Variants in MIPOL1 observed in about 807,000 individuals in gnomAD.
MIPOL1 encodes mirror-image polydactyly 1.
In MIPOL1, 57 loss-of-function variants were observed where a neutral mutation model predicts 60.9. That is an observed-to-expected ratio of 0.94 (90% CI 0.76 to 1.17). The LOEUF (loss-of-function observed/expected upper bound fraction) is 1.17, where lower values mean the gene tolerates loss of function less well. Ranked by LOEUF, MIPOL1 falls within the 50% of genes most tolerant of loss-of-function variation. The pLI, the probability that MIPOL1 is intolerant of heterozygous loss-of-function variation, is 0.00. For missense variants in MIPOL1, 551 were observed against 511.6 expected (o/e 1.08, Z -0.74); for synonymous variants, 179 against 168.8 (o/e 1.06, Z -0.47).
chr14:37,546,729 T>TA (rs1555372725), intron 12 of MIPOL1, among the ~76,000 whole-genome samples, 176 bp from the exon 13 acceptor site: 1 of 152,124 alleles, frequency 6.6e-6, no homozygotes, highest in Non-Finnish European at 1.5e-5. Context: ...CTGGGTTTTT[T>TA]AACCTCAAAT....
Position 37,308,373 on chromosome 14 carries a change from A to G in MIPOL1, c.682A>G (p.Ile228Val). ...DMTLQELLNR[I>V]NNADTGIAIQ... ...GACATTACAGGAATTACTGAACAGA[A>G]TAAACAATGCAGACACAGGGATAGC... Residue 228 changes from isoleucine (I) to valine (V), a missense_variant, in exon 9 of 13, where the codon ATA (isoleucine) becomes GTA (valine). Ile to Val is a conservative substitution (Grantham distance 29, BLOSUM62 3). Coordinates refer to ENST00000684589, the MANE Select transcript of MIPOL1 (RefSeq NM_001388067.1). The G allele has an allele frequency of 6.3e-7, 1 of 1,581,996 alleles. No homozygotes were observed.
chr14:37,536,963 T>C (rs552108452), intron 12 of MIPOL1, among the ~76,000 whole-genome samples: 7 of 152,302 alleles, frequency 4.6e-5, no homozygotes, highest in Middle Eastern at 6.8e-3. Context: ...GGTCAAAAAC[T>C]AGACTGATAA....
intron 12 of MIPOL1, among the ~76,000 whole-genome samples, chr14:37,546,512 T>C (rs572632453): frequency 6.6e-6 from 1 of 152,344 alleles, no homozygotes; most frequent in East Asian, 1.9e-4. Context: ...GAAACATTGC[T>C]GATATTTGTG....
At chr14:37,384,168 CACA>C (rs2093003096) in intron 10 of MIPOL1, among the ~76,000 whole-genome samples, 2 of 151,830 alleles carry the variant, frequency 1.3e-5, no homozygotes, top group Admixed American at 6.6e-5. Context: ...GTTGGTTTGT[CACA>C]ACATTATTAT....
intron 1 of MIPOL1, among the ~76,000 whole-genome samples, chr14:37,244,131 T>G (rs1972793352): frequency 7.6e-6 from 1 of 130,792 alleles, no homozygotes; most frequent in Non-Finnish European, 1.6e-5. Context: ...TTTTTTTTTT[T>G]TTTTTGTGAG....
At chr14:37,540,252 A>G (rs1398973063) in intron 12 of MIPOL1, among the ~76,000 whole-genome samples, 2 of 152,004 alleles carry the variant, frequency 1.3e-5, no homozygotes, top group African/African-American at 2.4e-5. Context: ...ATCTACTTCT[A>G]CCTTCACCTT....
At chr14:37,282,670 GC>G (rs1422250214) in intron 6 of MIPOL1, among the ~76,000 whole-genome samples, 3 of 147,410 alleles carry the variant, frequency 2.0e-5, no homozygotes, top group Non-Finnish European at 4.4e-5. Context: ...CCCCGCTGGA[GC>G]CTGGGAGGTA....
intron 11 of MIPOL1, among the ~76,000 whole-genome samples, chr14:37,467,808 A>C (rs940593299): frequency 3.9e-5 from 6 of 152,164 alleles, no homozygotes; most frequent in African/African-American, 1.4e-4. Flanking sequence ...TAATCCCAGC[A>C]CTTTGGGAGG....
chr14:37,531,615 A>G (rs2095479876), intron 12 of MIPOL1, among the ~76,000 whole-genome samples: 1 of 152,240 alleles, frequency 6.6e-6, no homozygotes, highest in South Asian at 2.1e-4. Context: ...CAGAAGAGGC[A>G]GATAACTGCG....
chr14:37,391,503 C>T (rs2093239040), intron 10 of MIPOL1, among the ~76,000 whole-genome samples: 1 of 151,014 alleles, frequency 6.6e-6, no homozygotes, highest in Non-Finnish European at 1.5e-5. Context: ...TCAAGCCATT[C>T]TCCTGCCTCA....
intron 9 of MIPOL1, among the ~76,000 whole-genome samples, chr14:37,364,350 A>G (rs1019224098): frequency 2.6e-5 from 4 of 152,224 alleles, no homozygotes; most frequent in Admixed American, 6.5e-5. Flanking sequence ...TAGTAGTTTC[A>G]TAATCTGGAG....
chr14:37,413,774 GA>G (rs1328579432), intron 10 of MIPOL1, among the ~76,000 whole-genome samples: 2 of 152,120 alleles, frequency 1.3e-5, no homozygotes, highest in African/African-American at 4.8e-5. Context: ...GAGGGATTGG[GA>G]AACAAGGCAG....
chr14:37,260,704 A>G lies in MIPOL1; in HGVS notation c.20-6234A>G, dbSNP rs1184159037. On this transcript the variant is annotated intron_variant, in intron 3 of 12. Coordinates refer to ENST00000684589, the MANE Select transcript of MIPOL1 (RefSeq NM_001388067.1). Reference sequence around the variant, plus strand: ...CCAATGAAAGTAAAATTATGACTTTATTTTATGACTGTTGAAGCCAAAATA... The same window carrying G: ...CCAATGAAAGTAAAATTATGACTTTGTTTTATGACTGTTGAAGCCAAAATA... Among the ~76,000 whole-genome samples, 3 of 152,130 alleles carry G rather than the reference A, an allele frequency of 2.0e-5. No individual in the cohort carries two copies. In the South Asian group the frequency reaches 6.2e-4, roughly 32 times the overall value.
intron 11 of MIPOL1, among the ~76,000 whole-genome samples, chr14:37,454,884 G>A (rs139190588): frequency 3.3e-5 from 5 of 152,218 alleles, no homozygotes; most frequent in East Asian, 3.9e-4. Flanking sequence ...GGGCAATATC[G>A]ATTATAAAAA....
chr14:37,323,481 A>C (rs2153448649), intron 9 of MIPOL1, among the ~76,000 whole-genome samples: 1 of 152,034 alleles, frequency 6.6e-6, no homozygotes, highest in African/African-American at 2.4e-5. Flanking sequence ...TTCCATATGA[A>C]ATTTTAAGTA....
At chr14:37,496,060 T>G (rs1022589192) in intron 11 of MIPOL1, among the ~76,000 whole-genome samples, 2 of 152,072 alleles carry the variant, frequency 1.3e-5, no homozygotes, top group African/African-American at 4.8e-5. Flanking sequence ...TGTGAAAATT[T>G]TATCCCATTT....
intron 7 of MIPOL1, among the ~76,000 whole-genome samples, chr14:37,287,761 A>AT (rs1358549452): frequency 6.6e-6 from 1 of 152,098 alleles, no homozygotes; most frequent in African/African-American, 2.4e-5. Context: ...GAGTCATCAA[A>AT]TTTTTTTCTT....
chr14:37,376,743 C>T (rs111937212), intron 10 of MIPOL1, among the ~76,000 whole-genome samples: 2 of 151,992 alleles, frequency 1.3e-5, no homozygotes, highest in Non-Finnish European at 2.9e-5. Context: ...CTATAAACAC[C>T]CATGTGCATT....
At chr14:37,546,644 T>C (rs2095548583) in intron 12 of MIPOL1, among the ~76,000 whole-genome samples, 1 of 151,704 alleles carries the variant, frequency 6.6e-6, no homozygotes, top group African/African-American at 2.4e-5. Context: ...TGTATTGAAA[T>C]AAGTGTCCTA....
Sources: allele counts gnomAD v4.1 joint callset (sites outside exome capture counted in the v4.1 genomes callset), GRCh38; gene constraint gnomAD v4.1.1; transcripts MANE v1.5; gene names NCBI Gene and HGNC (gene_info 2026-07-23, HGNC 2026-07-21).